GRM1: variants seen among roughly 807,000 people sequenced by gnomAD.
The protein encoded by GRM1 is metabotropic glutamate receptor 1.
GRM1 carries 33 observed loss-of-function variants against 90.9 expected under a neutral mutation model. The observed-to-expected ratio is 0.36, with a 90% confidence interval of 0.28 to 0.49. The LOEUF (loss-of-function observed/expected upper bound fraction) is 0.49. Among genes scored for constraint, GRM1 ranks in the 20% least tolerant of loss-of-function variants. The pLI is 0.99. For missense variants in GRM1, 1,190 were observed against 1,534.3 expected (o/e 0.78, Z 3.75); for synonymous variants, 700 against 613.2 (o/e 1.14, Z -2.09).
chr6:146,055,898 A>G (rs1042717108), intron 1 of GRM1, among the ~76,000 whole-genome samples: 2 of 152,196 alleles, frequency 1.3e-5, no homozygotes, highest in Non-Finnish European at 2.9e-5. Flanking sequence ...TGCTTATTAA[A>G]TAAAAAGTCA....
At chr6:146,420,601 A>G (rs1777956846) in intron 7 of GRM1, among the ~76,000 whole-genome samples, 1 of 152,222 alleles carries the variant, frequency 6.6e-6, no homozygotes, top group Admixed American at 6.5e-5. Context: ...TCTGATATAA[A>G]ATACTATTAG....
At chr6:146,320,310 A>G (rs1274356647) in intron 3 of GRM1, among the ~76,000 whole-genome samples, 1 of 152,180 alleles carries the variant, frequency 6.6e-6, no homozygotes, top group Non-Finnish European at 1.5e-5. Context: ...ACCAGGGATG[A>G]AGCTGACTTG....
intron 1 of GRM1, among the ~76,000 whole-genome samples, chr6:146,088,167 T>A (rs1381079959): frequency 6.6e-6 from 1 of 152,148 alleles, no homozygotes; most frequent in Non-Finnish European, 1.5e-5. Context: ...AGGTTTTGAT[T>A]TGTGTTTCCC....
chr6:146,222,021 GA>G (rs1450744951), intron 2 of GRM1, among the ~76,000 whole-genome samples: 1 of 152,060 alleles, frequency 6.6e-6, no homozygotes, highest in Non-Finnish European at 1.5e-5. Context: ...CTAGTGTGCT[GA>G]ACCCTACTCT....
chr6:146,197,679 A>G (rs1351718255), intron 2 of GRM1, among the ~76,000 whole-genome samples: 1 of 152,224 alleles, frequency 6.6e-6, no homozygotes, highest in Non-Finnish European at 1.5e-5. Context: ...TTGAGGCACA[A>G]CTGTAAATAA....
chr6:146,271,488 G>T (rs1305168572), intron 2 of GRM1, among the ~76,000 whole-genome samples: 1 of 152,102 alleles, frequency 6.6e-6, no homozygotes, highest in Non-Finnish European at 1.5e-5. Context: ...GGAGACAAAG[G>T]GGCCTCTGAG....
intron 1 of GRM1, among the ~76,000 whole-genome samples, chr6:146,055,519 A>G (rs1449961527): frequency 6.6e-6 from 1 of 152,068 alleles, no homozygotes; most frequent in Non-Finnish European, 1.5e-5. Context: ...TGTTAACTTT[A>G]TTATTCTTTC....
intron 1 of GRM1, among the ~76,000 whole-genome samples, chr6:146,115,950 A>G: frequency 6.6e-6 from 1 of 152,090 alleles, no homozygotes; most frequent in Middle Eastern, 3.2e-3. Flanking sequence ...TTGTAATTAC[A>G]TTCATAGTAG....
intron 2 of GRM1, among the ~76,000 whole-genome samples, chr6:146,289,303 T>C (rs1210169941): frequency 6.6e-6 from 1 of 152,126 alleles, no homozygotes; most frequent in Admixed American, 6.6e-5. Context: ...CCTAGGCTCA[T>C]GGGTTTGTTC....
intron 5 of GRM1, among the ~76,000 whole-genome samples, chr6:146,379,788 TC>T (rs908582971): frequency 6.6e-6 from 1 of 152,050 alleles, no homozygotes; most frequent in African/African-American, 2.4e-5. Context: ...TTTAAGGGGC[TC>T]CCCAACCCTA....
chr6:146,192,481 A>G (rs1194023384), intron 2 of GRM1, among the ~76,000 whole-genome samples: 2 of 152,220 alleles, frequency 1.3e-5, no homozygotes, highest in Non-Finnish European at 2.9e-5. Flanking sequence ...AAAAGGAACA[A>G]TGTATTATTT....
intron 1 of GRM1, among the ~76,000 whole-genome samples, chr6:146,146,593 A>C (rs540109975): frequency 1.3e-5 from 2 of 152,242 alleles, no homozygotes; most frequent in East Asian, 3.9e-4. Flanking sequence ...ACTATGTTGA[A>C]ACTTAATCCC....
At chr6:146,179,553 GC>G (rs367712124) in intron 2 of GRM1, among the ~76,000 whole-genome samples, 63 of 152,258 alleles carry the variant, frequency 4.1e-4, no homozygotes, top group African/African-American at 1.1e-3. Context: ...TCGCTTTGTC[GC>G]CCAGGCGGGA....
chr6:146,276,973 T>G (rs1782394608), intron 2 of GRM1, among the ~76,000 whole-genome samples: 1 of 152,100 alleles, frequency 6.6e-6, no homozygotes, highest in Non-Finnish European at 1.5e-5. Flanking sequence ...TTGGGCATGT[T>G]GGGGCAAACC....
rs1027847497 is a variant in GRM1, at chr6:146,350,416, G to C, written c.1187-1834G>C. ...TGGGTGATGGTTTTAGTATTGACAG[G>C]ACACTTTAAGGGGCTGCTGTCTTCA... On this transcript the variant is annotated intron_variant, in intron 3 of 7. Transcript: ENST00000282753. Among the ~76,000 whole-genome samples, 3 of 151,676 alleles carry C rather than the reference G, an allele frequency of 2.0e-5. No homozygotes were observed. In the East Asian group the frequency reaches 5.8e-4, roughly 29 times the overall value.
At chr6:146,258,568 G>A (rs896368049) in intron 2 of GRM1, among the ~76,000 whole-genome samples, 3 of 151,966 alleles carry the variant, frequency 2.0e-5, no homozygotes, top group Non-Finnish European at 2.9e-5. Flanking sequence ...TGCCCAGGCT[G>A]TAGTACAGAG....
At chr6:146,167,262 A>G (rs189790762) in intron 2 of GRM1, among the ~76,000 whole-genome samples, 7 of 152,256 alleles carry the variant, frequency 4.6e-5, no homozygotes, top group African/African-American at 1.7e-4. Flanking sequence ...GCATAGATAT[A>G]TCTCAACTTG....
At chr6:146,238,737 C>T (rs1258114722) in intron 2 of GRM1, among the ~76,000 whole-genome samples, 1 of 152,022 alleles carries the variant, frequency 6.6e-6, no homozygotes, top group African/African-American at 2.4e-5. Context: ...GGGAGATGCT[C>T]TGTTTGTTTC....
At chr6:146,259,055 G>T (rs1297638239) in intron 2 of GRM1, among the ~76,000 whole-genome samples, 1 of 152,152 alleles carries the variant, frequency 6.6e-6, no homozygotes, top group Non-Finnish European at 1.5e-5. Flanking sequence ...TTCTGTCTAA[G>T]CTTCCATGAG....
Sources: gnomAD v4.1 joint callset for allele counts (sites outside exome capture counted in the v4.1 genomes callset) on GRCh38, gnomAD v4.1.1 for gene constraint, MANE v1.5 for transcripts, NCBI Gene and HGNC (gene_info 2026-07-23, HGNC 2026-07-21) for gene names.